The following PDE5A variants were observed in gnomAD, a reference collection of about 807,000 sequenced individuals.
The protein encoded by PDE5A is cGMP-specific 3',5'-cyclic phosphodiesterase.
Under a neutral mutation model 110.2 loss-of-function variants are expected in PDE5A, and 67 were observed. That is an observed-to-expected ratio of 0.61 (90% CI 0.50 to 0.75). The LOEUF is 0.75. Ranked by LOEUF, PDE5A falls within the 30% of genes least tolerant of loss-of-function variation. PDE5A has a pLI of 0.00. For synonymous variants in PDE5A, 328 were observed against 351.2 expected, an observed-to-expected ratio of 0.93 and a Z score of 0.74; for missense variants, 862 against 1,045.1, an observed-to-expected ratio of 0.82 and a Z score of 2.42.
Position 119,498,416 on chromosome 4 carries a change from A to T in PDE5A, c.*185T>A. On this transcript the variant is annotated 3_prime_UTR_variant, in exon 21 of 21. Coordinates refer to ENST00000354960, the MANE Select transcript of PDE5A (RefSeq NM_001083.4). ...GTTCAGTAGCATAAAACAAATATAC[A>T]AAAAATATGTAATAGTCCTCTAAAA... is the stretch of plus-strand genomic sequence containing the variant. 1.7e-6 allele frequency: 1 copy of T among 588,964 alleles called. No homozygotes were observed. The highest frequency in any genetic ancestry group is 2.5e-5 in the South Asian group (1 of 39,784). The allele number at this position is 588,964 out of a possible 1,614,324, so 36.5% of individuals were successfully genotyped here. A position where few individuals can be genotyped will look rare whatever the true frequency, so the allele number is the denominator to read the frequency against.
intron 3 of PDE5A, among the ~76,000 whole-genome samples, chr4:119,584,453 C>A (rs1267242767): frequency 1.3e-5 from 2 of 152,214 alleles, no homozygotes; most frequent in African/African-American, 4.8e-5. Context: ...AAATCAATCA[C>A]TAAACCTACT....
chr4:119,513,841 T>C (rs961684075), intron 14 of PDE5A, among the ~76,000 whole-genome samples: 5 of 152,222 alleles, frequency 3.3e-5, no homozygotes, highest in Admixed American at 3.3e-4. Context: ...CAGAAGGGAC[T>C]GTTTCACATT....
At chr4:119,504,451 T>C in intron 18 of PDE5A, 85 bp downstream of exon 18, 1 of 983,278 alleles carries the variant, frequency 1.0e-6, no homozygotes, top group Non-Finnish European at 1.6e-6. Flanking sequence ...TTTATTTTTC[T>C]TTAGGTAGAT....
At chr4:119,541,766 G>A (rs187438784) in intron 10 of PDE5A, 91 of 152,192 alleles carry the variant, frequency 6.0e-4, no homozygotes, top group African/African-American at 2.1e-3. Context: ...TGTTGGAGTC[G>A]GCTGGTCCTT....
intron 3 of PDE5A, among the ~76,000 whole-genome samples, chr4:119,568,361 C>G (rs917422056): frequency 6.6e-6 from 1 of 151,998 alleles, no homozygotes. Context: ...ATTGTAGTTA[C>G]GAATGTTCAC....
In PDE5A at chr4:119,568,648, C is replaced by T. The variant is rs201299409; in HGVS notation, c.832-1504G>A. The stretch of plus-strand genomic sequence containing the variant: ...TGGATTGCTAGGAGCACTGAAGGGG[C>T]ACTTAATGTGGGTAAAAGAGAAGGA... On this transcript the variant is annotated intron_variant, in intron 3 of 20. Transcript: ENST00000354960. 2.0e-5 allele frequency among the ~76,000 whole-genome samples: 3 copies of T among 152,020 alleles called. No individual in the cohort carries two copies. In the East Asian group the frequency reaches 5.8e-4, roughly 29 times the overall value.
rs1353580470 is a variant in PDE5A at position 119,500,993 on chromosome 4, A to C, written c.2490+177T>G. ...ACATAGTAGGCACTCAATAGATATT[A>C]GTATGTGTTCCTTGTTCAATACAAA... On this transcript the variant is annotated intron_variant, in intron 20 of 20. Transcript: ENST00000354960. 5.6e-5 allele frequency: 32 copies of C among 574,306 alleles called. 1 individual carries two copies. In the South Asian group the frequency reaches 7.0e-4, roughly 13 times the overall value. 35.6% of individuals were successfully genotyped at this position (574,306 alleles called of 1,614,324 possible). A position where few individuals can be genotyped will look rare whatever the true frequency, so the allele number is the denominator to read the frequency against.
At chr4:119,551,516 T>C (rs1182738718) in intron 9 of PDE5A, among the ~76,000 whole-genome samples, 4 of 152,188 alleles carry the variant, frequency 2.6e-5, no homozygotes, top group Admixed American at 1.3e-4. Context: ...ATTGGAAAGA[T>C]ATTACTGGCT....
At chr4:119,548,079 C>G (rs1325622084) in intron 9 of PDE5A, 2 of 138,864 alleles carry the variant, frequency 1.4e-5, no homozygotes, top group African/African-American at 5.4e-5. Flanking sequence ...GACGGAGTCC[C>G]GCTCTTTAGC....
At chr4:119,616,575 G>A (rs924949869) in intron 1 of PDE5A, among the ~76,000 whole-genome samples, 7 of 149,460 alleles carry the variant, frequency 4.7e-5, no homozygotes, top group Non-Finnish European at 7.5e-5. Flanking sequence ...TAACAGCACC[G>A]CACCTGTCAA....
intron 1 of PDE5A, among the ~76,000 whole-genome samples, chr4:119,617,457 C>T (rs763174476): frequency 4.6e-5 from 7 of 152,124 alleles, no homozygotes; most frequent in Admixed American, 1.3e-4. Flanking sequence ...GAACTGCTCA[C>T]TCACATTACA....
chr4:119,627,955 A>G lies in PDE5A; in HGVS notation c.152+565T>C. 1 of 672,298 alleles carries G rather than the reference A, an allele frequency of 1.5e-6. No individual in the cohort carries two copies. 41.6% of individuals were successfully genotyped at this position (672,298 alleles called of 1,614,324 possible). ...CGAGTGAAAGGAGGCGCGCGGGACA[A>G]GCAGGAGACTGGAAGGGGGGAAAAG... On this transcript the variant is annotated intron_variant, in intron 1 of 20. Transcript: ENST00000354960. This position sits in a 1 kb window ranked among gnomAD's most constrained non-coding sequence, Gnocchi z 4.6.
At chr4:119,564,548 G>C (rs1307072506) in intron 5 of PDE5A, among the ~76,000 whole-genome samples, 1 of 152,024 alleles carries the variant, frequency 6.6e-6, no homozygotes, top group Admixed American at 6.6e-5. Flanking sequence ...GAGAACCTCA[G>C]TTTGGACCTC....
chr4:119,540,228 G>C (rs779344624), intron 10 of PDE5A, among the ~76,000 whole-genome samples: 1 of 151,918 alleles, frequency 6.6e-6, no homozygotes, highest in East Asian at 1.9e-4. Flanking sequence ...ACTTTAAATG[G>C]TGAGTAAAGT....
At chr4:119,574,876 G>T (rs778317969) in intron 3 of PDE5A, among the ~76,000 whole-genome samples, 6 of 152,170 alleles carry the variant, frequency 3.9e-5, no homozygotes, top group Non-Finnish European at 5.9e-5. Flanking sequence ...GGGTGGTGAG[G>T]ACTGATTAGG....
chr4:119,543,219 A>G (rs997842118), intron 9 of PDE5A: 1 of 152,228 alleles, frequency 6.6e-6, no homozygotes, highest in Non-Finnish European at 1.5e-5. Context: ...GCAAATAAAA[A>G]TGACTACTTA....
chr4:119,502,787 G>A (rs1725405512), intron 18 of PDE5A, 132 bp from the exon 19 acceptor site: 10 of 610,428 alleles, frequency 1.6e-5, no homozygotes, highest in Admixed American at 9.3e-5. Flanking sequence ...CTTGATACCC[G>A]AAGACAAGTA....
At chr4:119,628,408 G>A in intron 1 of PDE5A, 112 bp downstream of exon 1, 1 of 820,898 alleles carries the variant, frequency 1.2e-6, no homozygotes, top group Non-Finnish European at 1.9e-6. Flanking sequence ...CCTCGTAACA[G>A]GACCGAGGAC....
intron 9 of PDE5A, among the ~76,000 whole-genome samples, chr4:119,544,572 C>T (rs1727067774): frequency 6.6e-6 from 1 of 152,204 alleles, no homozygotes; most frequent in Non-Finnish European, 1.5e-5. Context: ...TTGAGAGTCA[C>T]ATTTCATGCC....
Sources: gnomAD v4.1 joint callset for allele counts (sites outside exome capture counted in the v4.1 genomes callset) on GRCh38, gnomAD v4.1.1 for gene constraint, Gnocchi (gnomAD v3.1) non-coding constraint, MANE v1.5 for transcripts, NCBI Gene and HGNC (gene_info 2026-07-23, HGNC 2026-07-21) for gene names.